DIP2B: variants seen among roughly 807,000 people sequenced by gnomAD.
DIP2B encodes the protein disco-interacting protein 2 homolog B.
Under a neutral mutation model 198.0 loss-of-function variants are expected in DIP2B, and 76 were observed. The observed-to-expected ratio is 0.38, with a 90% CI of 0.32 to 0.46. The LOEUF (loss-of-function observed/expected upper bound fraction) is 0.46. Among genes scored for constraint, DIP2B ranks in the 20% least tolerant of loss-of-function variants. The pLI is 0.99. For missense variants in DIP2B, 1,559 were observed against 1,978.4 expected (o/e 0.79, Z 4.02); for synonymous variants, 701 against 739.1 (o/e 0.95, Z 0.84).
At chr12:50,729,718 T>A (rs924305950) in intron 30 of DIP2B, among the ~76,000 whole-genome samples, 1 of 147,268 alleles carries the variant, frequency 6.8e-6, no homozygotes, top group East Asian at 2.1e-4. Context: ...TCTGTCCTTT[T>A]TTCTTTTTTT....
intron 19 of DIP2B, among the ~76,000 whole-genome samples, chr12:50,701,548 G>GT (rs1939417772): frequency 1.3e-5 from 2 of 151,862 alleles, no homozygotes; most frequent in African/African-American, 4.8e-5. Context: ...CGCCTGGCTA[G>GT]TTTTTTTGTA....
At chr12:50,713,117 A>T (rs1473519416) in intron 22 of DIP2B, among the ~76,000 whole-genome samples, 1 of 152,140 alleles carries the variant, frequency 6.6e-6, no homozygotes, top group Non-Finnish European at 1.5e-5. Context: ...AAATTTTTTT[A>T]AAAATTAAAA....
chr12:50,615,112 A>G (rs965557911), intron 1 of DIP2B, among the ~76,000 whole-genome samples: 9 of 152,232 alleles, frequency 5.9e-5, no homozygotes, highest in Admixed American at 4.6e-4. Context: ...AATTGCTCCA[A>G]TTGATGCAAG....
chr12:50,560,361 A>G (rs1958508509), intron 1 of DIP2B, among the ~76,000 whole-genome samples: 1 of 151,054 alleles, frequency 6.6e-6, no homozygotes, highest in Non-Finnish European at 1.5e-5. Flanking sequence ...CAGCCACTGC[A>G]TTCCAGCTTG....
chr12:50,513,173 T>A (rs1958033530), intron 1 of DIP2B, among the ~76,000 whole-genome samples: 1 of 152,204 alleles, frequency 6.6e-6, no homozygotes, highest in Non-Finnish European at 1.5e-5. Flanking sequence ...CAGTTTTTAA[T>A]ATCTTGTGTT....
intron 1 of DIP2B, among the ~76,000 whole-genome samples, chr12:50,542,387 TA>T (rs1958334840): frequency 1.3e-5 from 2 of 152,314 alleles, no homozygotes; most frequent in Admixed American, 1.3e-4. Context: ...CATATTTCTG[TA>T]ATAGTTTTTT....
intron 1 of DIP2B, among the ~76,000 whole-genome samples, chr12:50,577,394 C>A (rs1300991433): frequency 6.6e-6 from 1 of 151,926 alleles, no homozygotes; most frequent in East Asian, 1.9e-4. Flanking sequence ...TTTAGCCAGG[C>A]GTGGTGGCGG....
chr12:50,522,081 A>G (rs1303739697), intron 1 of DIP2B, among the ~76,000 whole-genome samples: 5 of 151,774 alleles, frequency 3.3e-5, no homozygotes, highest in African/African-American at 1.2e-4. Flanking sequence ...GCTCACTGCA[A>G]CCTCCGTGTC....
intron 32 of DIP2B, 102 bp from the exon 33 acceptor site, chr12:50,734,033 G>A: frequency 1.6e-6 from 2 of 1,221,220 alleles, no homozygotes; most frequent in African/African-American, 1.5e-5. Context: ...GGTGAAAAGA[G>A]TGTGGATTTT....
chr12:50,588,920 C>T lies in DIP2B; in HGVS notation c.101-37056C>T, dbSNP rs539483027. 6.6e-5 allele frequency among the ~76,000 whole-genome samples: 10 copies of T among 152,218 alleles called. No homozygotes were observed. In the South Asian group the frequency reaches 2.1e-3, roughly 32 times the overall value. ...TTTGTTTGTGCTGGGCGCGGTGGCT[C>T]ACGCCTGTAATCCTAGCACTTTGGG... On this transcript the variant is annotated intron_variant, in intron 1 of 37. Coordinates refer to ENST00000301180, the MANE Select transcript of DIP2B (RefSeq NM_173602.3).
chr12:50,720,886 C>A (rs1939823891), intron 25 of DIP2B, among the ~76,000 whole-genome samples: 1 of 152,074 alleles, frequency 6.6e-6, no homozygotes, highest in Non-Finnish European at 1.5e-5. Flanking sequence ...GCTCTGTCGC[C>A]CAGGCATTGG....
chr12:50,731,199 G>A (rs1940035672), intron 30 of DIP2B, among the ~76,000 whole-genome samples, 170 bp from the exon 31 acceptor site: 1 of 152,160 alleles, frequency 6.6e-6, no homozygotes, highest in African/African-American at 2.4e-5. Flanking sequence ...TTTCATAGTT[G>A]CTCCTTTTGC....
chr12:50,607,503 C>T (rs1958993778), intron 1 of DIP2B, among the ~76,000 whole-genome samples: 1 of 152,124 alleles, frequency 6.6e-6, no homozygotes. Context: ...TGTGATTTTT[C>T]TTCCTTTCCT....
At chr12:50,519,895 C>T in intron 1 of DIP2B, among the ~76,000 whole-genome samples, 1 of 151,088 alleles carries the variant, frequency 6.6e-6, no homozygotes, top group East Asian at 1.9e-4. Context: ...AAAGCATCTG[C>T]AAGATTTTTT....
chr12:50,625,251 T>A (rs761665923), intron 1 of DIP2B, among the ~76,000 whole-genome samples: 10 of 152,226 alleles, frequency 6.6e-5, no homozygotes, highest in Non-Finnish European at 1.5e-4. Context: ...CCCTACTCTC[T>A]ACTCATTTAT....
intron 1 of DIP2B, among the ~76,000 whole-genome samples, chr12:50,583,593 C>T (rs769138314): frequency 3.9e-5 from 6 of 152,200 alleles, no homozygotes; most frequent in Admixed American, 6.5e-5. Context: ...CGGTCCTTTA[C>T]TTACAGTGGG....
intron 3 of DIP2B, among the ~76,000 whole-genome samples, chr12:50,649,367 A>G (rs1173263489): frequency 6.6e-6 from 1 of 152,196 alleles, no homozygotes; most frequent in African/African-American, 2.4e-5. Flanking sequence ...ACTAATTAAA[A>G]CTGTTTAGTA....
At chr12:50,684,115 T>A (rs911624846) in intron 10 of DIP2B, among the ~76,000 whole-genome samples, 2 of 152,082 alleles carry the variant, frequency 1.3e-5, no homozygotes, top group African/African-American at 4.8e-5. Flanking sequence ...AGACTCTGTT[T>A]CAGAATATAA....
intron 23 of DIP2B, among the ~76,000 whole-genome samples, chr12:50,715,104 A>G (rs950295517): frequency 1.3e-5 from 2 of 152,232 alleles, no homozygotes; most frequent in African/African-American, 4.8e-5. Context: ...AGAAACAAGC[A>G]TATTTTTGTC....
Sources: gnomAD v4.1 joint callset for allele counts (sites outside exome capture counted in the v4.1 genomes callset) on GRCh38, gnomAD v4.1.1 for gene constraint, MANE v1.5 for transcripts, NCBI Gene and HGNC (gene_info 2026-07-23, HGNC 2026-07-21) for gene names.